The following AXDND1 variants were observed in gnomAD, a reference collection of about 807,000 sequenced individuals.
AXDND1 encodes the protein axonemal dynein light chain domain containing 1, also known as axonemal dynein light chain domain-containing protein 1.
In AXDND1, 110 loss-of-function variants were observed where a neutral mutation model predicts 137.5. The observed-to-expected ratio is 0.80, with a 90% CI of 0.69 to 0.94. The LOEUF is 0.94. Ranked by LOEUF, AXDND1 falls within the 40% of genes least tolerant of loss-of-function variation. AXDND1 has a pLI of 0.00. For synonymous variants in AXDND1, 414 were observed against 399.7 expected (o/e 1.04, Z -0.43); for missense variants, 1,191 against 1,169.8 (o/e 1.02, Z -0.26).
At chr1:179,366,920 T>C (rs534334515) in intron 2 of AXDND1, among the ~76,000 whole-genome samples, 1 of 152,194 alleles carries the variant, frequency 6.6e-6, no homozygotes, top group Non-Finnish European at 1.5e-5. Context: ...TAAGGAACTT[T>C]GGAAAAAGTA....
rs373898383 is a variant in AXDND1, at chr1:179,374,361, T to C, written c.375-4276T>C. Among the ~76,000 whole-genome samples the C allele has an allele frequency of 7.2e-5, 11 of 152,244 alleles. No individual in the cohort carries two copies. In the East Asian group the frequency reaches 1.7e-3, roughly 24 times the overall value. On this transcript the variant is annotated intron_variant, in intron 4 of 25. Coordinates refer to ENST00000367618, the MANE Select transcript of AXDND1 (RefSeq NM_144696.6). ...AGAGGATGTGGAGAAATAGGAACGC[T>C]TTTACACTGTTGGTGGGAGGATAAA...
chr1:179,451,162 G>A (rs936636762), intron 16 of AXDND1: 2 of 152,100 alleles, frequency 1.3e-5, no homozygotes, highest in African/African-American at 4.8e-5. Context: ...TAAAGAACTG[G>A]TGCTAATTCT....
At chr1:179,536,233 C>G (rs4385666) in intron 25 of AXDND1, among the ~76,000 whole-genome samples, 1 of 151,806 alleles carries the variant, frequency 6.6e-6, no homozygotes, top group Non-Finnish European at 1.5e-5. Context: ...CCATTTGTCT[C>G]TTTTGGCTTG....
intron 20 of AXDND1, among the ~76,000 whole-genome samples, chr1:179,494,739 A>G (rs1008405985): frequency 2.0e-5 from 3 of 151,954 alleles, no homozygotes; most frequent in Non-Finnish European, 2.9e-5. Flanking sequence ...TTTTTCTTTT[A>G]TAGACCTTGC....
chr1:179,384,855 C>G (rs1046030687), intron 8 of AXDND1, among the ~76,000 whole-genome samples: 1 of 152,028 alleles, frequency 6.6e-6, no homozygotes, highest in African/African-American at 2.4e-5. Context: ...TGCAACCTCC[C>G]TGGGCTCAGG....
At chr1:179,496,653 T>C (rs1452196161) in intron 20 of AXDND1, among the ~76,000 whole-genome samples, 1 of 152,044 alleles carries the variant, frequency 6.6e-6, no homozygotes, top group Admixed American at 6.6e-5. Flanking sequence ...CAGATTTTGC[T>C]TTCATTGATT....
At chr1:179,531,750 A>C (rs1009429961) in intron 23 of AXDND1, among the ~76,000 whole-genome samples, 38 of 152,140 alleles carry the variant, frequency 2.5e-4, no homozygotes, top group African/African-American at 8.2e-4. Context: ...AGCCATAGAG[A>C]TGCAACCCAA....
chr1:179,551,641 T>G (rs1236760245), intron 25 of AXDND1: 3 of 642,514 alleles, frequency 4.7e-6, no homozygotes, highest in Non-Finnish European at 8.1e-6. Context: ...TTAATCACAA[T>G]TTAAGGTGGA....
At chr1:179,516,696 G>A (rs989628751) in intron 21 of AXDND1, among the ~76,000 whole-genome samples, 2 of 152,126 alleles carry the variant, frequency 1.3e-5, no homozygotes, top group African/African-American at 4.8e-5. Context: ...GGCTTCCTAT[G>A]AGCTGAACTG....
At chr1:179,380,303 T>G (rs1035473804) in intron 6 of AXDND1, among the ~76,000 whole-genome samples, 1 of 133,528 alleles carries the variant, frequency 7.5e-6, no homozygotes, top group African/African-American at 2.6e-5. Flanking sequence ...AAATAAAAAC[T>G]AAAAGTACTT....
chr1:179,437,284 G>C (rs1254890595), intron 15 of AXDND1, among the ~76,000 whole-genome samples: 1 of 152,148 alleles, frequency 6.6e-6, no homozygotes, highest in East Asian at 1.9e-4. Context: ...AGGCAAAAGA[G>C]ATAGCGAGAA....
chr1:179,525,486 TAC>T, intron 22 of AXDND1, 39 bp downstream of exon 22: 1 of 1,504,436 alleles, frequency 6.6e-7, no homozygotes, highest in Non-Finnish European at 8.9e-7. Context: ...CCTACATACA[TAC>T]ATACATACAT....
intron 13 of AXDND1, 122 bp downstream of exon 13, chr1:179,429,741 G>A: frequency 2.2e-6 from 1 of 464,230 alleles, no homozygotes; most frequent in Non-Finnish European, 3.6e-6. Context: ...AGTGCTTATT[G>A]TACAGAATGA....
intron 15 of AXDND1, among the ~76,000 whole-genome samples, chr1:179,432,672 C>G (rs937960232): frequency 4.6e-5 from 7 of 152,108 alleles, no homozygotes; most frequent in African/African-American, 1.7e-4. Flanking sequence ...GTGATCCACC[C>G]ACCTCGGCCT....
At chr1:179,466,137 C>T (rs1298713249) in intron 16 of AXDND1, among the ~76,000 whole-genome samples, 1 of 152,136 alleles carries the variant, frequency 6.6e-6, no homozygotes, top group African/African-American at 2.4e-5. Context: ...TCAGACGAGC[C>T]CCAGTGAGAT....
intron 11 of AXDND1, among the ~76,000 whole-genome samples, chr1:179,400,957 A>G (rs951122546): frequency 6.7e-6 from 1 of 149,278 alleles, no homozygotes; most frequent in African/African-American, 2.5e-5. Context: ...AAACAAACAA[A>G]TGATAAAAAG....
chr1:179,438,475 A>G (rs1389994610), intron 15 of AXDND1, among the ~76,000 whole-genome samples: 1 of 152,178 alleles, frequency 6.6e-6, no homozygotes, highest in Non-Finnish European at 1.5e-5. Context: ...GAGCTCTTTG[A>G]ATAGAATCAT....
rs1442380218 is a variant in AXDND1 at position 179,394,109 on chromosome 1, A to C, written c.1004+66A>C. 3.4e-6 allele frequency: 5 copies of C among 1,450,426 alleles called. No individual in the cohort carries two copies. The African/African-American group carries it at 7.3e-5, about 21-fold the overall frequency. The allele number at this position is 1,450,426 out of a possible 1,614,324, so 89.8% of individuals were successfully genotyped here. A position where few individuals can be genotyped will look rare whatever the true frequency, so the allele number is the denominator to read the frequency against. ...TGTCATGTCTCTAAAGGGAGTAAAA[A>C]ATATTTAGGGAAAGTGGAATGGTTA... On this transcript the variant is annotated intron_variant, in intron 10 of 25. Transcript: ENST00000367618.
intron 11 of AXDND1, among the ~76,000 whole-genome samples, chr1:179,399,608 G>C (rs1651625810): frequency 6.6e-6 from 1 of 152,198 alleles, no homozygotes; most frequent in Non-Finnish European, 1.5e-5. Context: ...TGTTTGCACA[G>C]CAAAAGGAAC....
Sources: allele counts gnomAD v4.1 joint callset (sites outside exome capture counted in the v4.1 genomes callset), GRCh38; gene constraint gnomAD v4.1.1; transcripts MANE v1.5; gene names NCBI Gene and HGNC (gene_info 2026-07-23, HGNC 2026-07-21).